The following TCF12 variants were observed in gnomAD, a reference collection of about 807,000 sequenced individuals.
TCF12 encodes transcription factor 12.
Under a neutral mutation model 86.0 loss-of-function variants are expected in TCF12, and 45 were observed. The ratio of observed to expected loss-of-function variants is 0.52; its 90% CI spans 0.41 to 0.67. The LOEUF (loss-of-function observed/expected upper bound fraction) is 0.67, where lower values mean the gene tolerates loss of function less well. Among genes scored for constraint, TCF12 ranks in the 30% least tolerant of loss-of-function variants. The pLI is 0.00. For synonymous variants in TCF12, 330 were observed against 299.6 expected (o/e 1.10, Z -1.05); for missense variants, 881 against 859.9 (o/e 1.02, Z -0.31).
intron 16 of TCF12, among the ~76,000 whole-genome samples, chr15:57,261,375 A>G (rs1232094827): frequency 6.6e-6 from 1 of 152,164 alleles, no homozygotes; most frequent in Non-Finnish European, 1.5e-5. Flanking sequence ...CAGAAAAACC[A>G]AAGGATAAAC....
intron 6 of TCF12, among the ~76,000 whole-genome samples, chr15:57,176,463 A>T (rs1319446813): frequency 3.3e-5 from 5 of 152,226 alleles, no homozygotes; most frequent in Admixed American, 3.3e-4. Context: ...GTTAACAATG[A>T]TGATACTACA....
At chr15:57,111,334 C>T (rs575772006) in intron 5 of TCF12, among the ~76,000 whole-genome samples, 75 of 152,212 alleles carry the variant, frequency 4.9e-4, no homozygotes, top group African/African-American at 1.7e-3. Context: ...AGAAAAATTT[C>T]GGGATCACTG....
At chr15:56,963,049 T>TTA (rs1491514865) in intron 3 of TCF12, among the ~76,000 whole-genome samples, 2 of 144,518 alleles carry the variant, frequency 1.4e-5, no homozygotes, top group Non-Finnish European at 3.0e-5. Flanking sequence ...TTTTTTTTTT[T>TTA]ACCTTCTGTA....
intron 13 of TCF12, among the ~76,000 whole-genome samples, chr15:57,249,485 T>C (rs143101466): frequency 1.9e-4 from 29 of 152,280 alleles, no homozygotes; most frequent in African/African-American, 7.0e-4. Flanking sequence ...ATTTATGTAA[T>C]TATAACAGTA....
intron 12 of TCF12, among the ~76,000 whole-genome samples, chr15:57,241,751 G>A (rs890865276): frequency 6.6e-6 from 1 of 152,152 alleles, no homozygotes; most frequent in African/African-American, 2.4e-5. Flanking sequence ...CCAGCACTTT[G>A]GGAGGCCAAG....
intron 5 of TCF12, among the ~76,000 whole-genome samples, chr15:57,095,868 C>G (rs1366637378): frequency 6.6e-6 from 1 of 152,050 alleles, no homozygotes; most frequent in Non-Finnish European, 1.5e-5. Flanking sequence ...AACTTTTATT[C>G]AACCCTGAAA....
At chr15:57,001,012 ATTTTTTTTT>A (rs71113050) in intron 3 of TCF12, among the ~76,000 whole-genome samples, 1 of 126,738 alleles carries the variant, frequency 7.9e-6, no homozygotes, top group Admixed American at 8.7e-5. Context: ...TTTAAAAAAA[ATTTTTTTTT>A]TTTTTTTTTT....
intron 19 of TCF12, among the ~76,000 whole-genome samples, chr15:57,275,649 G>A (rs534523000): frequency 1.3e-5 from 2 of 152,110 alleles, no homozygotes; most frequent in Admixed American, 6.5e-5. Context: ...ATCCTGTACA[G>A]AGACCCTCCT....
intron 3 of TCF12, among the ~76,000 whole-genome samples, chr15:56,969,535 ATTTTTTT>A (rs67565542): frequency 0.22 from 28,340 of 130,032 alleles, 2,961 homozygotes; most frequent in Middle Eastern, 0.26. Flanking sequence ...CCAGTTGGAG[ATTTTTTT>A]TTTTTTTTTT....
chr15:56,922,806 A>G (rs1264545220), intron 3 of TCF12, among the ~76,000 whole-genome samples: 4 of 151,974 alleles, frequency 2.6e-5, no homozygotes, highest in African/African-American at 4.8e-5. Context: ...AGAAAATGCC[A>G]TGTGATTTTT....
intron 3 of TCF12, among the ~76,000 whole-genome samples, chr15:56,949,211 C>T (rs2061153775): frequency 6.6e-6 from 1 of 152,076 alleles, no homozygotes. Context: ...GCTAATTAAG[C>T]ACAATTTGTA....
At chr15:57,144,035 C>A (rs2053186103) in intron 5 of TCF12, among the ~76,000 whole-genome samples, 1 of 152,074 alleles carries the variant, frequency 6.6e-6, no homozygotes, top group African/African-American at 2.4e-5. Context: ...AATTCTTATG[C>A]CAAAGTGTAA....
intron 8 of TCF12, among the ~76,000 whole-genome samples, chr15:57,223,652 T>TTTTTTGTTTTTTTTTTG (rs2058718973): frequency 2.9e-5 from 4 of 139,218 alleles, no homozygotes; most frequent in African/African-American, 1.0e-4. Flanking sequence ...GGTTTTTTTT[T>TTTTTTGTTTTTTTTTTG]TTTTTTTTTT....
At chr15:57,222,435 T>G (rs1257397072) in intron 8 of TCF12, among the ~76,000 whole-genome samples, 1 of 152,030 alleles carries the variant, frequency 6.6e-6, no homozygotes, top group East Asian at 1.9e-4. Context: ...TTAATGCAGT[T>G]TTTCCTACTG....
In TCF12 at chr15:57,192,175, A is replaced by C; in HGVS notation, c.408A>C (p.Gln136His). Residue 136 changes from glutamine to histidine, a missense_variant, in exon 7 of 21, where the codon CAA (glutamine) becomes CAC (histidine). Transcript: ENST00000333725. Reference protein sequence around the residue: ...LPGCQSSLLRQDLGLGSPAQL... With the variant: ...LPGCQSSLLRHDLGLGSPAQL... ...TTTTATAGTCTAGTCTCCTGAGACA[A>C]GATCTGGGGCTTGGGAGCCCAGCAC... is the stretch of plus-strand genomic sequence containing the variant. 6.2e-7 allele frequency: 1 copy of C among 1,614,040 alleles called. No homozygotes were observed.
intron 3 of TCF12, among the ~76,000 whole-genome samples, chr15:57,033,048 C>T (rs1474868027): frequency 2.0e-5 from 3 of 151,740 alleles, no homozygotes; most frequent in African/African-American, 7.3e-5. Context: ...TAAAAAGCTG[C>T]GGATGGACTC....
chr15:56,938,455 G>T (rs563327561), intron 3 of TCF12, among the ~76,000 whole-genome samples: 27 of 152,062 alleles, frequency 1.8e-4, no homozygotes, highest in Non-Finnish European at 3.1e-4. Context: ...CACCGTGTCT[G>T]GCCTGTAGTT....
chr15:56,945,155 A>G (rs1455783950), intron 3 of TCF12, among the ~76,000 whole-genome samples: 1 of 152,146 alleles, frequency 6.6e-6, no homozygotes, highest in African/African-American at 2.4e-5. Flanking sequence ...AAAAATAGTG[A>G]TTGATTTTTA....
Position 57,091,243 on chromosome 15 carries a change from AG to A in TCF12, c.223-544del, listed in dbSNP as rs549406560. The stretch of plus-strand genomic sequence containing the variant: ...TTGTTGAATATTTGCCATTTAGGAA[AG>A]GATTCATTTCTAGCATATTGATTGT... On this transcript the variant is annotated intron_variant, in intron 4 of 20. Transcript: ENST00000333725. 3.8e-3 allele frequency among the ~76,000 whole-genome samples: 572 copies of A among 152,306 alleles called. 4 individuals are homozygous for A. Among genetic ancestry groups the A allele is most frequent in the African/African-American group, 0.013 (527 of 41,574 alleles).
Sources: allele counts gnomAD v4.1 joint callset (sites outside exome capture counted in the v4.1 genomes callset), GRCh38; gene constraint gnomAD v4.1.1; transcripts MANE v1.5; gene names NCBI Gene and HGNC (gene_info 2026-07-23, HGNC 2026-07-21).